ZNF730: variants seen among roughly 807,000 people sequenced by gnomAD.
ZNF730 encodes zinc finger protein 730, also known as putative zinc finger protein 730.
A neutral mutation model predicts 12.6 loss-of-function variants in ZNF730; 12 were observed. The observed-to-expected ratio is 0.95, with a 90% CI of 0.61 to 1.54. The LOEUF is 1.54. Ranked by LOEUF, ZNF730 falls within the 40% of genes most tolerant of loss-of-function variation. The pLI, the probability that ZNF730 is intolerant of heterozygous loss-of-function variation, is 0.00. For missense variants in ZNF730, 643 were observed against 583.5 expected, an observed-to-expected ratio of 1.10 and a Z score of -1.05; for synonymous variants, 194 against 195.8, an observed-to-expected ratio of 0.99 and a Z score of 0.08.
intron 3 of ZNF730, among the ~76,000 whole-genome samples, chr19:23,141,146 A>G (rs1315226825): frequency 1.4e-4 from 22 of 151,830 alleles, no homozygotes; most frequent in South Asian, 2.1e-4. Flanking sequence ...TGTAATCCCA[A>G]CACTTTGGGA....
At chr19:23,112,630 C>T (rs1970472402), upstream of ZNF730, among the ~76,000 whole-genome samples, 3 of 151,506 alleles carry the variant, frequency 2.0e-5, no homozygotes, top group East Asian at 1.9e-4. Flanking sequence ...GACTGGGGCA[C>T]GAGAATCGCT....
upstream of ZNF730, among the ~76,000 whole-genome samples, chr19:23,114,837 A>T (rs1970499408): frequency 6.6e-6 from 1 of 152,118 alleles, no homozygotes; most frequent in Non-Finnish European, 1.5e-5. Flanking sequence ...GCTGGAGTGT[A>T]GTGGTGTAAT....
intron 1 of ZNF730, among the ~76,000 whole-genome samples, chr19:23,086,054 A>G (rs1157167019): frequency 2.0e-5 from 3 of 151,826 alleles, no homozygotes; most frequent in African/African-American, 7.3e-5. Flanking sequence ...CGTCGTGGCC[A>G]GGCTGGTCTG....
intron 3 of ZNF730, among the ~76,000 whole-genome samples, chr19:23,142,659 G>T (rs1338732724): frequency 8.2e-6 from 1 of 122,692 alleles, no homozygotes; most frequent in Non-Finnish European, 1.6e-5. Context: ...CTGCACTCCA[G>T]CCTGGGTGAC....
chr19:23,101,158 T>C (rs918738108), intron 1 of ZNF730, among the ~76,000 whole-genome samples: 6 of 152,172 alleles, frequency 3.9e-5, no homozygotes, highest in African/African-American at 1.4e-4. Flanking sequence ...TAAGAGAACA[T>C]AGCACATGCG....
intron 3 of ZNF730, among the ~76,000 whole-genome samples, chr19:23,141,778 G>A (rs375760837): frequency 6.6e-6 from 1 of 152,026 alleles, no homozygotes; most frequent in Non-Finnish European, 1.5e-5. Flanking sequence ...GTCTATGAAG[G>A]AAAATGTTCT....
chr19:23,134,416 C>A (rs569910916), intron 2 of ZNF730, among the ~76,000 whole-genome samples: 2,168 of 148,286 alleles, frequency 0.015, 50 homozygotes, highest in African/African-American at 0.05. Flanking sequence ...CGGCCAGCCG[C>A]CCAGTCCGGG....
chr19:23,106,419 G>A (rs1486052273), intron 1 of ZNF730, among the ~76,000 whole-genome samples: 2 of 152,072 alleles, frequency 1.3e-5, no homozygotes. Flanking sequence ...CATTGATTTG[G>A]AGTATATTTA....
In ZNF730 at chr19:23,145,909, T is replaced by C. The variant is rs1267940536; in HGVS notation, c.865T>C (p.Cys289Arg). 1.2e-6 allele frequency: 2 copies of C among 1,610,946 alleles called. No individual in the cohort carries two copies. Residue 289 changes from cysteine (C) to arginine (R), a missense_variant, in exon 4 of 4, where the codon TGT (cysteine) becomes CGT (arginine). By Grantham distance (180) the Cys-to-Arg change is radical. Transcript: ENST00000597761. The part of the protein sequence containing the change: ...TGEKPYKCEE[C>R]GKAFNQSSNL... The stretch of plus-strand genomic sequence containing the variant: ...AGAGAAACCCTATAAATGTGAAGAA[T>C]GTGGCAAAGCCTTTAACCAGTCCTC...
At chr19:23,128,337 C>A in intron 1 of ZNF730, 3 of 579,288 alleles carry the variant, frequency 5.2e-6, no homozygotes, top group South Asian at 3.4e-5. Flanking sequence ...GGAAACAGTT[C>A]TCTCAATACA....
At chr19:23,098,246 C>T (rs1338607985) in intron 1 of ZNF730, 1 of 151,864 alleles carries the variant, frequency 6.6e-6, no homozygotes, top group African/African-American at 2.4e-5. Flanking sequence ...TATATTTTGA[C>T]ATAGCACTGC....
upstream of ZNF730, among the ~76,000 whole-genome samples, chr19:23,114,300 C>CTTTTTTTTTTTTTTTTTT (rs11413226): frequency 1.7e-4 from 20 of 119,540 alleles, 4 homozygotes; most frequent in African/African-American, 5.9e-4. Context: ...TTTTCTTTTT[C>CTTTTTTTTTTTTTTTTTT]TTTTCTTTTT....
chr19:23,084,809 T>C (rs868182308), intron 1 of ZNF730, among the ~76,000 whole-genome samples: 25 of 152,236 alleles, frequency 1.6e-4, no homozygotes, highest in Middle Eastern at 3.2e-3. Context: ...TTTTTATGGC[T>C]GCATAGTATT....
At chr19:23,141,772 A>G (rs551345353) in intron 3 of ZNF730, among the ~76,000 whole-genome samples, 155 of 152,206 alleles carry the variant, frequency 1.0e-3, no homozygotes, top group African/African-American at 3.5e-3. Flanking sequence ...GACGTTGTCT[A>G]TGAAGGAAAA....
intron 1 of ZNF730, among the ~76,000 whole-genome samples, chr19:23,094,433 A>G (rs753111314): frequency 9.3e-5 from 14 of 151,282 alleles, no homozygotes; most frequent in Admixed American, 6.6e-5. Context: ...ATAGATAGGT[A>G]GGTAGGTAGG....
chr19:23,114,661 T>G (rs1483807474), upstream of ZNF730, among the ~76,000 whole-genome samples: 1 of 152,118 alleles, frequency 6.6e-6, no homozygotes, highest in Non-Finnish European at 1.5e-5. Context: ...CTAAAGTTGT[T>G]TTTCTTTTAG....
chr19:23,101,280 C>G (rs548818421), intron 1 of ZNF730, among the ~76,000 whole-genome samples: 51 of 152,160 alleles, frequency 3.4e-4, no homozygotes, highest in South Asian at 1.7e-3. Context: ...ATAATTGACT[C>G]TCACGTGGAT....
rs141370121 is a variant in ZNF730 at position 23,119,659 on chromosome 19, A to C, written c.3+2483A>C. Among the ~76,000 whole-genome samples, 417 of 152,212 alleles carry C rather than the reference A, an allele frequency of 2.7e-3. 4 individuals are homozygous for C. The highest frequency in any genetic ancestry group is 0.023 in the Admixed American group (348 of 15,280). ...TGGTGAAACCCTGTCTCTACTAAAA[A>C]TACAAAAAGTAGCTGGGTGTGGTGG... On this transcript the variant is annotated intron_variant, in intron 1 of 3. Transcript: ENST00000597761.
chr19:23,136,498 G>A (rs764259308), intron 3 of ZNF730, among the ~76,000 whole-genome samples: 3 of 151,978 alleles, frequency 2.0e-5, no homozygotes, highest in African/African-American at 7.3e-5. Context: ...TCTGTCTCTC[G>A]GATTCATGTG....
Sources: allele counts gnomAD v4.1 joint callset (sites outside exome capture counted in the v4.1 genomes callset), GRCh38; gene constraint gnomAD v4.1.1; transcripts MANE v1.5; gene names NCBI Gene and HGNC (gene_info 2026-07-23, HGNC 2026-07-21).